Variants in PTPRS observed in about 807,000 individuals in gnomAD.
PTPRS encodes receptor-type tyrosine-protein phosphatase S.
In PTPRS, 63 loss-of-function variants were observed where a neutral mutation model predicts 215.3. The observed-to-expected ratio is 0.29, with a 90% CI of 0.24 to 0.36. The LOEUF (loss-of-function observed/expected upper bound fraction) is 0.36, where lower values mean the gene tolerates loss of function less well. Among genes scored for constraint, PTPRS ranks in the 10% least tolerant of loss-of-function variants. The pLI, the probability that PTPRS is intolerant of heterozygous loss-of-function variation, is 1.00. For synonymous variants in PTPRS, 1,404 were observed against 1,191.4 expected (o/e 1.18, Z -3.68); for missense variants, 2,258 against 2,825.8 (o/e 0.80, Z 4.56).
At position 5,288,021 on chromosome 19, in the gene PTPRS, TA is replaced by T. The variant is rs1324929897; in HGVS notation, c.-94-1788del. ...ACACACACACACACAATCAGGCAAA[TA>T]AAACTTGCACATAGTCAGACCACAA... is the stretch of plus-strand genomic sequence containing the variant. On this transcript the variant is annotated intron_variant, in intron 1 of 37. Transcript: ENST00000262963. Among the ~76,000 whole-genome samples, 4 of 118,248 alleles carry T rather than the reference TA, an allele frequency of 3.4e-5. No individual in the cohort carries two copies. In the South Asian group the frequency reaches 1.1e-3, roughly 33 times the overall value. 77.6% of individuals were successfully genotyped at this position (118,248 alleles called of 152,430 possible).
chr19:5,289,449 C>T (rs976169436), intron 1 of PTPRS, among the ~76,000 whole-genome samples: 4 of 152,174 alleles, frequency 2.6e-5, no homozygotes, highest in Non-Finnish European at 5.9e-5. Flanking sequence ...TGCAAGCACC[C>T]GAGTCAGGGC....
intron 1 of PTPRS, among the ~76,000 whole-genome samples, chr19:5,290,637 G>C (rs891440793): frequency 6.6e-6 from 1 of 152,096 alleles, no homozygotes; most frequent in Non-Finnish European, 1.5e-5. Context: ...CCAGGCTCCA[G>C]CTGTAGAGTC....
At chr19:5,313,017 C>T (rs1289221684) in intron 1 of PTPRS, among the ~76,000 whole-genome samples, 17 of 152,184 alleles carry the variant, frequency 1.1e-4, no homozygotes, top group Non-Finnish European at 5.9e-5. Context: ...TGGGTTCAAG[C>T]GATTCTCCTG....
rs1003270667 is a variant in PTPRS at position 5,338,732 on chromosome 19, C to T, written c.-95+1932G>A. On this transcript the variant is annotated intron_variant, in intron 1 of 37. Coordinates refer to ENST00000262963, the MANE Select transcript of PTPRS (RefSeq NM_002850.4). The surrounding 1 kb of genome is among the most constrained non-coding windows in gnomAD (Gnocchi z 4.2). ...AAGGGACCCTGGGAGGGGGAGGGGA[C>T]TTATGCAAATGGCAGATTCGACCAA... Among the ~76,000 whole-genome samples the T allele has an allele frequency of 6.6e-6, 1 of 152,134 alleles. No individual in the cohort carries two copies. The highest frequency in any genetic ancestry group is 2.4e-5 in the African/African-American group (1 of 41,424).
At chr19:5,229,905 G>GCCC (rs113109821) in intron 14 of PTPRS, among the ~76,000 whole-genome samples, 41 of 148,550 alleles carry the variant, frequency 2.8e-4, no homozygotes, top group Middle Eastern at 3.5e-3. Context: ...GATCCAGGCT[G>GCCC]CCCCCCCCCG....
intron 11 of PTPRS, among the ~76,000 whole-genome samples, chr19:5,243,042 C>T (rs1234429988): frequency 6.6e-6 from 1 of 151,802 alleles, no homozygotes; most frequent in Admixed American, 6.6e-5. Context: ...TGGACTGAAA[C>T]TCCTGGGCTT....
intron 7 of PTPRS, 119 bp downstream of exon 7, chr19:5,260,686 G>GGTGGTGGC: frequency 7.7e-7 from 1 of 1,301,582 alleles, no homozygotes; most frequent in Non-Finnish European, 1.1e-6. Flanking sequence ...GTGGAACAAA[G>GGTGGTGGC]GTGGTGGCAG....
In PTPRS at chr19:5,218,603, C is replaced by T. The variant is rs1346064036; in HGVS notation, c.3936-71G>A. On this transcript the variant is annotated intron_variant, in intron 24 of 37. Coordinates refer to ENST00000262963, the MANE Select transcript of PTPRS (RefSeq NM_002850.4). ...TTCATGTGTGAACACAATTCAGGCC[C>T]CAGGAATGCATGGTAAGAAAAGGAC... 6 of 1,550,350 alleles carry T rather than the reference C, an allele frequency of 3.9e-6. No homozygotes were observed. In the Admixed American group the frequency reaches 8.3e-5, roughly 22 times the overall value.
rs5826875 is a variant in PTPRS at position 5,216,885 on chromosome 19, CG to C, written c.4049-119del. ...GCAAAGGGCAGAGCAACGCGGACAACGGGGGGTATGTACAGCCACCTGGGCC... is the reference window on the plus strand; with the variant it reads ...GCAAAGGGCAGAGCAACGCGGACAACGGGGGTATGTACAGCCACCTGGGCC... On this transcript the variant is annotated intron_variant, in intron 25 of 37. Transcript: ENST00000262963. 1,464 of 656,086 alleles carry C rather than the reference CG, an allele frequency of 2.2e-3. 10 individuals are homozygous for C. Among genetic ancestry groups the C allele is most frequent in the African/African-American group, 0.019 (1,047 of 55,242 alleles). The allele number at this position is 656,086 out of a possible 1,614,324, so 40.6% of individuals were successfully genotyped here.
rs2049107742 is a variant in PTPRS at position 5,295,469 on chromosome 19, C to T, written c.-94-9235G>A. Among the ~76,000 whole-genome samples, 3 of 152,148 alleles carry T rather than the reference C, an allele frequency of 2.0e-5. No individual in the cohort carries two copies. Among genetic ancestry groups the T allele is most frequent in the Admixed American group, 2.0e-4 (3 of 15,260 alleles). Reference sequence around the variant, plus strand: ...GGCTGGGGGAGGTGGGCCAGGTGCCCTCCCCCTTGGCTGGGTGGCCCCATC... The same window carrying T: ...GGCTGGGGGAGGTGGGCCAGGTGCCTTCCCCCTTGGCTGGGTGGCCCCATC... On this transcript the variant is annotated intron_variant, in intron 1 of 37. Coordinates refer to ENST00000262963, the MANE Select transcript of PTPRS (RefSeq NM_002850.4). The surrounding 1 kb of genome is among the most constrained non-coding windows in gnomAD (Gnocchi z 4.6).
chr19:5,340,408 C>G (rs1054608359), intron 1 of PTPRS, among the ~76,000 whole-genome samples: 2 of 151,130 alleles, frequency 1.3e-5, no homozygotes, highest in South Asian at 2.1e-4. Flanking sequence ...CGAAGCCCCC[C>G]CAGCACCCCC....
At chr19:5,263,370 G>A (rs1349552284) in intron 5 of PTPRS, among the ~76,000 whole-genome samples, 1 of 152,122 alleles carries the variant, frequency 6.6e-6, no homozygotes, top group African/African-American at 2.4e-5. Flanking sequence ...TCTTTTTGGG[G>A]CTTGGTTTTC....
chr19:5,222,327 T>G, intron 18 of PTPRS, 107 bp from the exon 19 acceptor site: 1 of 895,066 alleles, frequency 1.1e-6, no homozygotes, highest in East Asian at 2.5e-5. Flanking sequence ...AGGCGCTCCC[T>G]GTCGTCCGCT....
At chr19:5,215,677 T>A in intron 26 of PTPRS, 82 bp from the exon 27 acceptor site, 1 of 989,852 alleles carries the variant, frequency 1.0e-6, no homozygotes, top group Non-Finnish European at 1.5e-6. Flanking sequence ...GATCTACGTG[T>A]GAGTCTGCGA....
chr19:5,222,335 G>T, intron 18 of PTPRS, 115 bp from the exon 19 acceptor site: 2 of 867,284 alleles, frequency 2.3e-6, no homozygotes, highest in Non-Finnish European at 3.7e-6. Context: ...CCTGTCGTCC[G>T]CTGTGCCCAT....
At position 5,219,449 on chromosome 19, in the gene PTPRS, A is replaced by G; in HGVS notation, c.3784T>C (p.Phe1262Leu). The change falls in exon 23 of 38, where the codon TTC (phenylalanine) becomes CTC (leucine). Residue 1262 changes from phenylalanine to leucine, a missense_variant. Physicochemically the swap from Phe to Leu is conservative, Grantham distance 22 (BLOSUM62 0). This residue lies in a region of PTPRS where 927 missense variants were observed against 1,125.9 expected (regional missense o/e 0.82). Transcript: ENST00000262963. ...TTATCCAGCTGGAAGGGGTCTGAGA[A>G]GGGACTGGCTGCAAAGGTCTGCAGG... ...KSEPTFAASP[F>L]SDPFQLDNPD... 2 of 1,599,222 alleles carry G rather than the reference A, an allele frequency of 1.3e-6. No individual in the cohort carries two copies. The highest frequency in any genetic ancestry group is 1.7e-6 in the Non-Finnish European group (2 of 1,172,798).
chr19:5,215,391 A>ACTG lies in PTPRS; in HGVS notation c.4213_4215dup (p.Gln1405dup), dbSNP rs1278258585. On this transcript the variant is annotated inframe_insertion, in exon 28 of 38. Transcript: ENST00000262963. ...TCCAGGTTGGAATGTTCCCATGTGA[A>ACTG]CTGCTGTCCAGGGTCGATGGACTAC... is the stretch of plus-strand genomic sequence containing the variant. 2 of 1,613,680 alleles carry ACTG rather than the reference A, an allele frequency of 1.2e-6. No individual in the cohort carries two copies. The highest frequency in any genetic ancestry group is 1.7e-6 in the Non-Finnish European group (2 of 1,179,944).
intron 1 of PTPRS, among the ~76,000 whole-genome samples, chr19:5,319,865 A>G (rs1207113116): frequency 6.6e-6 from 1 of 151,028 alleles, no homozygotes; most frequent in Non-Finnish European, 1.5e-5. Flanking sequence ...AAAAATGACA[A>G]CCCTCATGCC....
intron 1 of PTPRS, among the ~76,000 whole-genome samples, chr19:5,301,616 G>A (rs2049307138): frequency 6.6e-6 from 1 of 151,864 alleles, no homozygotes; most frequent in Non-Finnish European, 1.5e-5. Context: ...ACACCTGGCT[G>A]TAAATGCATT....
Sources: gnomAD v4.1 joint callset for allele counts (sites outside exome capture counted in the v4.1 genomes callset) on GRCh38, gnomAD v4.1.1 for gene constraint, gnomAD v4.1.1 regional missense constraint, Gnocchi (gnomAD v3.1) non-coding constraint, MANE v1.5 for transcripts, NCBI Gene and HGNC (gene_info 2026-07-23, HGNC 2026-07-21) for gene names.